TMEM43: variants seen among roughly 807,000 people sequenced by gnomAD.
TMEM43 encodes the protein transmembrane protein 43.
A neutral mutation model predicts 49.6 loss-of-function variants in TMEM43; 45 were observed. The ratio of observed to expected loss-of-function variants is 0.91; its 90% confidence interval spans 0.71 to 1.16. The LOEUF is 1.16. Among genes scored for constraint, TMEM43 ranks in the 50% most tolerant of loss-of-function variants. TMEM43 has a pLI of 0.00. For synonymous variants in TMEM43, 199 were observed against 207.8 expected, an observed-to-expected ratio of 0.96 and a Z score of 0.36; for missense variants, 532 against 516.6, an observed-to-expected ratio of 1.03 and a Z score of -0.29.
rs1298507684 is a variant in TMEM43 at position 14,134,755 on chromosome 3, C to T, written c.584-15C>T. The stretch of plus-strand genomic sequence containing the variant: ...ACCTGGTCCCCTGGGTTTCTAACCA[C>T]TCTGGTCCCCTCAGGCCTCATCGAC... On this transcript the variant is annotated splice_polypyrimidine_tract_variant and intron_variant, in intron 7 of 11. Coordinates refer to ENST00000306077, the MANE Select transcript of TMEM43 (RefSeq NM_024334.3). The T allele has an allele frequency of 6.2e-7, 1 of 1,614,066 alleles. No individual in the cohort carries two copies.
intron 2 of TMEM43, among the ~76,000 whole-genome samples, chr3:14,129,930 A>G (rs1030407374): frequency 2.0e-5 from 3 of 152,146 alleles, no homozygotes; most frequent in South Asian, 2.1e-4. Context: ...TGGCCCCAGC[A>G]ACTGGCCTAC....
rs1276607555 is a variant in TMEM43 at position 14,125,065 on chromosome 3, C to T, written c.-129C>T. On this transcript the variant is annotated 5_prime_UTR_variant, in exon 1 of 12. Coordinates refer to ENST00000306077, the MANE Select transcript of TMEM43 (RefSeq NM_024334.3). ...GGGGAGGTAACTGCAGTAAGTCCCGCTTGGCCCTGGAGTCCACGCGGATTT... is the reference window on the plus strand; with the variant it reads ...GGGGAGGTAACTGCAGTAAGTCCCGTTTGGCCCTGGAGTCCACGCGGATTT... 7 of 1,240,996 alleles carry T rather than the reference C, an allele frequency of 5.6e-6. No homozygotes were observed. Among genetic ancestry groups the T allele is most frequent in the Middle Eastern group, 1.8e-4 (1 of 5,410 alleles). 76.9% of individuals were successfully genotyped at this position (1,240,996 alleles called of 1,614,324 possible). A position where few individuals can be genotyped will look rare whatever the true frequency, so the allele number is the denominator to read the frequency against.
At chr3:14,137,528 C>A (rs957205431) in intron 10 of TMEM43, among the ~76,000 whole-genome samples, 4 of 152,216 alleles carry the variant, frequency 2.6e-5, no homozygotes, top group African/African-American at 9.6e-5. Flanking sequence ...CCAGCCCCCA[C>A]CCCCACACAA....
chr3:14,138,648 G>A (rs962630483), intron 10 of TMEM43, among the ~76,000 whole-genome samples: 1 of 152,188 alleles, frequency 6.6e-6, no homozygotes, highest in Non-Finnish European at 1.5e-5. Context: ...TTAAATTGGA[G>A]GGTCACGGCA....
At chr3:14,141,523 A>G in intron 11 of TMEM43, 70 bp from the exon 12 acceptor site, 1 of 1,436,016 alleles carries the variant, frequency 7.0e-7, no homozygotes, top group Non-Finnish European at 9.8e-7. Flanking sequence ...TCATCTAGGG[A>G]CAGGAGAGAT....
chr3:14,132,299 G>T (rs944584172), intron 4 of TMEM43, among the ~76,000 whole-genome samples: 2 of 152,090 alleles, frequency 1.3e-5, no homozygotes, highest in Non-Finnish European at 2.9e-5. Context: ...CTTGGTGTAA[G>T]GCCAGTGCGG....
At chr3:14,127,440 C>T (rs1216300281) in intron 1 of TMEM43, among the ~76,000 whole-genome samples, 1 of 152,234 alleles carries the variant, frequency 6.6e-6, no homozygotes, top group African/African-American at 2.4e-5. Flanking sequence ...TGGCTCCCAA[C>T]ATTCAGCTCA....
intron 4 of TMEM43, among the ~76,000 whole-genome samples, chr3:14,132,200 G>A (rs1695105208): frequency 6.6e-6 from 1 of 152,158 alleles, no homozygotes; most frequent in Non-Finnish European, 1.5e-5. Context: ...AGGAGCAGGA[G>A]AAGGGCAGCT....
rs1406008362 is a variant in TMEM43 at position 14,142,076 on chromosome 3, G to C, written c.*281G>C. ...CTCCTGCTGTTTCCTTCCTCTCTTG[G>C]ACTGAGTGGGTACGGCCAGCCACTC... On this transcript the variant is annotated 3_prime_UTR_variant, in exon 12 of 12. Coordinates refer to ENST00000306077, the MANE Select transcript of TMEM43 (RefSeq NM_024334.3). The C allele has an allele frequency of 3.0e-5, 15 of 493,392 alleles. No homozygotes were observed. The highest frequency in any genetic ancestry group is 4.8e-5 in the Non-Finnish European group (13 of 269,720). 30.6% of individuals were successfully genotyped at this position (493,392 alleles called of 1,614,324 possible).
At chr3:14,130,275 G>T (rs1212330978) in intron 2 of TMEM43, among the ~76,000 whole-genome samples, 1 of 152,004 alleles carries the variant, frequency 6.6e-6, no homozygotes, top group African/African-American at 2.4e-5. Context: ...TGTTCTGACT[G>T]GCAAGGTCTG....
chr3:14,137,469 C>G (rs984294985), intron 10 of TMEM43, among the ~76,000 whole-genome samples: 2 of 152,196 alleles, frequency 1.3e-5, no homozygotes, highest in South Asian at 2.1e-4. Flanking sequence ...CTCCTTACCC[C>G]CTGGGTCTCC....
At chr3:14,126,892 G>A (rs921807804) in intron 1 of TMEM43, among the ~76,000 whole-genome samples, 1 of 152,200 alleles carries the variant, frequency 6.6e-6, no homozygotes, top group Non-Finnish European at 1.5e-5. Flanking sequence ...CAGTACCTGT[G>A]GTGAAGGTAC....
In TMEM43 at chr3:14,143,191, A is replaced by G. The variant is rs1695276039; in HGVS notation, c.*1396A>G. On this transcript the variant is annotated 3_prime_UTR_variant, in exon 12 of 12. Coordinates refer to ENST00000306077, the MANE Select transcript of TMEM43 (RefSeq NM_024334.3). The stretch of plus-strand genomic sequence containing the variant: ...GGATGTCTTAAATGATTCTTTGTGT[A>G]CCTTTTCTGTCATATTCAGAAACCG... The G allele has an allele frequency of 6.6e-6, 1 of 152,252 alleles. No homozygotes were observed. The highest frequency in any genetic ancestry group is 2.4e-5 in the African/African-American group (1 of 41,466). The allele number at this position is 152,252 out of a possible 1,614,324, so 9.4% of individuals were successfully genotyped here. A position where few individuals can be genotyped will look rare whatever the true frequency, so the allele number is the denominator to read the frequency against.
At chr3:14,130,100 C>T (rs1350483751) in intron 2 of TMEM43, among the ~76,000 whole-genome samples, 2 of 130,432 alleles carry the variant, frequency 1.5e-5, no homozygotes, top group Non-Finnish European at 3.2e-5. Flanking sequence ...TTGTTTCTTT[C>T]TTTCTCTCCC....
In TMEM43 at chr3:14,141,919, T is replaced by C. The variant is rs1327485128; in HGVS notation, c.*124T>C. 2 of 902,576 alleles carry C rather than the reference T, an allele frequency of 2.2e-6. No individual in the cohort carries two copies. Among genetic ancestry groups the C allele is most frequent in the Admixed American group, 2.5e-5 (1 of 39,736 alleles). The allele number at this position is 902,576 out of a possible 1,614,324, so 55.9% of individuals were successfully genotyped here. ...ATTTTGGACTCTGCACTCCCTCTCC[T>C]CTTCAGGGGCCAGACTTGGCAGCAT... On this transcript the variant is annotated 3_prime_UTR_variant, in exon 12 of 12. Coordinates refer to ENST00000306077, the MANE Select transcript of TMEM43 (RefSeq NM_024334.3).
intron 10 of TMEM43, among the ~76,000 whole-genome samples, chr3:14,137,613 C>T (rs748992742): frequency 3.3e-5 from 5 of 152,194 alleles, no homozygotes; most frequent in African/African-American, 4.8e-5. Context: ...CAGGATGCCC[C>T]GATTCCAGTC....
chr3:14,130,709 A>C, intron 2 of TMEM43, 113 bp from the exon 3 acceptor site: 1 of 1,356,278 alleles, frequency 7.4e-7, no homozygotes. Context: ...TACGGTGGGG[A>C]GATGGGTCTC....
rs2124998017 is a variant in TMEM43, at chr3:14,142,253, T to TA, written c.*459dup. The TA allele has an allele frequency of 9.4e-6, 2 of 212,546 alleles. No homozygotes were observed. The highest frequency in any genetic ancestry group is 4.6e-5 in the African/African-American group (2 of 43,826). 13.2% of individuals were successfully genotyped at this position (212,546 alleles called of 1,614,324 possible). ...ATCTGTGATCCTGAAGGGCGGCCGT[T>TA]AGTCATTACTGCTGAGTCCTGGGTC... On this transcript the variant is annotated 3_prime_UTR_variant, in exon 12 of 12. Coordinates refer to ENST00000306077, the MANE Select transcript of TMEM43 (RefSeq NM_024334.3).
intron 4 of TMEM43, among the ~76,000 whole-genome samples, chr3:14,132,066 C>T (rs1175079966): frequency 6.6e-6 from 1 of 152,010 alleles, no homozygotes; most frequent in Non-Finnish European, 1.5e-5. Context: ...TACAGCTTAT[C>T]GTTTCTGACA....
Sources: gnomAD v4.1 joint callset for allele counts (sites outside exome capture counted in the v4.1 genomes callset) on GRCh38, gnomAD v4.1.1 for gene constraint, MANE v1.5 for transcripts, NCBI Gene and HGNC (gene_info 2026-07-23, HGNC 2026-07-21) for gene names.